LRR1: variants seen among roughly 807,000 people sequenced by gnomAD.
LRR1 encodes leucine-rich repeat protein 1.
Under a neutral mutation model 31.6 loss-of-function variants are expected in LRR1, and 29 were observed. The ratio of observed to expected loss-of-function variants is 0.92; its 90% confidence interval spans 0.68 to 1.25. The LOEUF (loss-of-function observed/expected upper bound fraction) is 1.25, where lower values mean the gene tolerates loss of function less well. Ranked by LOEUF, LRR1 falls within the 50% of genes most tolerant of loss-of-function variation. The pLI is 0.00. For synonymous variants in LRR1, 179 were observed against 181.4 expected (o/e 0.99, Z 0.10); for missense variants, 485 against 487.2 (o/e 1.00, Z 0.04).
intron 2 of LRR1, among the ~76,000 whole-genome samples, chr14:49,607,188 T>G (rs1366994103): frequency 1.3e-5 from 2 of 152,078 alleles, no homozygotes; most frequent in African/African-American, 2.4e-5. Context: ...AACAGTTTTA[T>G]TTAGAATGTG....
Position 49,614,590 on chromosome 14 carries a change from G to T in LRR1, c.*94G>T. The T allele has an allele frequency of 1.3e-6, 2 of 1,513,364 alleles. No individual in the cohort carries two copies. Among genetic ancestry groups the T allele is most frequent in the Non-Finnish European group, 1.8e-6 (2 of 1,096,716 alleles). The allele number at this position is 1,513,364 out of a possible 1,614,324, so 93.7% of individuals were successfully genotyped here. A position where few individuals can be genotyped will look rare whatever the true frequency, so the allele number is the denominator to read the frequency against. On this transcript the variant is annotated 3_prime_UTR_variant, in exon 4 of 4. Transcript: ENST00000298288. ...CAAATTGGAGTAAGGGAAGATTTCT[G>T]TATACTTGCTGGAGAGGAGGAATGT...
chr14:49,601,305 C>G (rs1297242149), intron 1 of LRR1, among the ~76,000 whole-genome samples: 3 of 152,190 alleles, frequency 2.0e-5, no homozygotes, highest in Non-Finnish European at 4.4e-5. Flanking sequence ...ATAACTATCT[C>G]TCATCAGATT....
At chr14:49,613,504 C>CA (rs759527540) in intron 3 of LRR1, among the ~76,000 whole-genome samples, 2,119 of 117,894 alleles carry the variant, frequency 0.018, 46 homozygotes, top group African/African-American at 0.059. Flanking sequence ...GACTCCATCT[C>CA]AAAAAAAAAA....
intron 2 of LRR1, 49 bp downstream of exon 2, chr14:49,602,517 A>AT (rs1471966332): frequency 2.0e-6 from 3 of 1,494,370 alleles, no homozygotes; most frequent in African/African-American, 1.4e-5. Context: ...TATTTTCTTT[A>AT]TTTTTTAGAA....
At position 49,607,562 on chromosome 14, in the gene LRR1, A is replaced by C. The variant is rs1233356930; in HGVS notation, c.445A>C (p.Ser149Arg). The C allele has an allele frequency of 6.2e-7, 1 of 1,614,192 alleles. No individual in the cohort carries two copies. The highest frequency in any genetic ancestry group is 2.2e-5 in the East Asian group (1 of 44,886). The change falls in exon 3 of 4, where the codon AGT becomes CGT. Residue 149 changes from serine (S) to arginine (R), a missense_variant. Physicochemically the swap from Ser to Arg is moderately radical, Grantham distance 110 (BLOSUM62 -1). This residue lies in a region of LRR1 where 260 missense variants were observed against 249.6 expected (regional missense o/e 1.04). Coordinates refer to ENST00000298288, the MANE Select transcript of LRR1 (RefSeq NM_152329.4). ...CACATCCAAAAAAGACTATCCTCTAAGTAAGAATTTTCCATATTCCTTGGA... is the reference window on the plus strand; with the variant it reads ...CACATCCAAAAAAGACTATCCTCTACGTAAGAATTTTCCATATTCCTTGGA... ...VITSKKDYPLSKNFPYSLEHL... is the reference protein window; with the variant it reads ...VITSKKDYPLRKNFPYSLEHL...
Position 49,602,359 on chromosome 14 carries a change from G to C in LRR1, c.184-11G>C. 6.2e-7 allele frequency: 1 copy of C among 1,601,314 alleles called. No homozygotes were observed. Among genetic ancestry groups the C allele is most frequent in the Middle Eastern group, 1.7e-4 (1 of 6,028 alleles). ...TAGTTTTCTTCTTTTTTTTCTATTG[G>C]TTTTATGCAGCTAAGGGAGAACATT... On this transcript the variant is annotated splice_polypyrimidine_tract_variant and intron_variant, in intron 1 of 3. Transcript: ENST00000298288.
intron 3 of LRR1, among the ~76,000 whole-genome samples, chr14:49,609,217 CTTTTTTTTTT>C (rs746422046): frequency 7.8e-5 from 6 of 76,932 alleles, no homozygotes; most frequent in Non-Finnish European, 1.6e-4. Flanking sequence ...ACACCTGGCC[CTTTTTTTTTT>C]TTTTTTTTTT....
At chr14:49,611,303 C>T (rs1296612958) in intron 3 of LRR1, among the ~76,000 whole-genome samples, 2 of 151,924 alleles carry the variant, frequency 1.3e-5, no homozygotes, top group African/African-American at 2.4e-5. Context: ...GGTGAAACCT[C>T]GTCTCTACTA....
chr14:49,599,029 A>G lies in LRR1; in HGVS notation c.9A>G (p.Leu3=), dbSNP rs1246492582. 4 of 1,609,114 alleles carry G rather than the reference A, an allele frequency of 2.5e-6. No individual in the cohort carries two copies. Among genetic ancestry groups the G allele is most frequent in the Non-Finnish European group, 2.5e-6 (3 of 1,177,872 alleles). The change falls in exon 1 of 4, where the codon CTA becomes CTG. Residue 3 remains leucine, a synonymous_variant. Transcript: ENST00000298288. ...TGTGGCCGTTGGGCGAGATGAAGCTACACTGTGAGGTGGAGGTGATCAGCC... is the reference window on the plus strand; with the variant it reads ...TGTGGCCGTTGGGCGAGATGAAGCTGCACTGTGAGGTGGAGGTGATCAGCC... MK[L]HCEVEVISRH...
At chr14:49,610,879 C>T (rs1172896296) in intron 3 of LRR1, among the ~76,000 whole-genome samples, 1 of 152,116 alleles carries the variant, frequency 6.6e-6, no homozygotes, top group African/African-American at 2.4e-5. Flanking sequence ...GCTTCTTGAA[C>T]GCATGTCTGG....
Position 49,608,406 on chromosome 14 carries a change from A to ATTTTTTTTTTTTT in LRR1, c.1004+314_1004+326dup, listed in dbSNP as rs71408651. ...ATTCCTTCCCTCCTTACATTGCTTG[A>ATTTTTTTTTTTTT]TTTTTTTTTTTTTTTTTTTTTTTTT... On this transcript the variant is annotated intron_variant, in intron 3 of 3. Transcript: ENST00000298288. Among the ~76,000 whole-genome samples, 20 of 21,098 alleles carry ATTTTTTTTTTTTT rather than the reference A, an allele frequency of 9.5e-4. 1 individual carries two copies. Among genetic ancestry groups the ATTTTTTTTTTTTT allele is most frequent in the Admixed American group, 1.7e-3 (3 of 1,740 alleles). The allele number at this position is 21,098 out of a possible 152,430, so 13.8% of individuals were successfully genotyped here.
At position 49,601,720 on chromosome 14, in the gene LRR1, A is replaced by T. The variant is rs1208520503; in HGVS notation, c.184-650A>T. On this transcript the variant is annotated intron_variant, in intron 1 of 3. Transcript: ENST00000298288. ...AATGGGAGAAAAGGAGCATTCTCTC[A>T]AAACATGGTGATCCTGTTCTCAAAG... The T allele has an allele frequency of 7.0e-6, 9 of 1,278,062 alleles. No individual in the cohort carries two copies. In the East Asian group the frequency reaches 5.0e-4, roughly 71 times the overall value. The allele number at this position is 1,278,062 out of a possible 1,614,324, so 79.2% of individuals were successfully genotyped here.
At chr14:49,612,477 T>C in intron 3 of LRR1, 1 of 1,253,276 alleles carries the variant, frequency 8.0e-7, no homozygotes. Flanking sequence ...TCTAGAACCA[T>C]CTATCCGAAA....
intron 1 of LRR1, chr14:49,600,400 G>GTGAT (rs1164890745): frequency 1.2e-6 from 2 of 1,602,376 alleles, no homozygotes; most frequent in African/African-American, 2.7e-5. Context: ...GCAAGACTGA[G>GTGAT]TGATATGAAA....
rs368125760 is a variant in LRR1, at chr14:49,606,121, GTTTCAAGCAACTC to G, written c.283-1277_283-1265del. 8.7e-3 allele frequency among the ~76,000 whole-genome samples: 1,311 copies of G among 150,286 alleles called. 13 individuals are homozygous for G. The highest frequency in any genetic ancestry group is 0.03 in the African/African-American group (1,238 of 40,808). On this transcript the variant is annotated intron_variant, in intron 2 of 3. Coordinates refer to ENST00000298288, the MANE Select transcript of LRR1 (RefSeq NM_152329.4). ...GGCTTACTGCAACCTCTGCCTCCCA[GTTTCAAGCAACTC>G]TCCTGCCTCAGCCTACCAAGCAGCT...
chr14:49,613,777 C>T (rs1882601794), intron 3 of LRR1, among the ~76,000 whole-genome samples: 2 of 152,184 alleles, frequency 1.3e-5, no homozygotes. Flanking sequence ...CGCACCACTG[C>T]ACTCTAGCCT....
intron 2 of LRR1, 119 bp from the exon 3 acceptor site, chr14:49,607,281 T>A: frequency 8.7e-7 from 1 of 1,147,652 alleles, no homozygotes; most frequent in Non-Finnish European, 1.2e-6. Context: ...TTACAGTCAA[T>A]TTCAGTAAAT....
intron 1 of LRR1, chr14:49,601,032 C>G: frequency 6.2e-7 from 1 of 1,610,876 alleles, no homozygotes; most frequent in Non-Finnish European, 8.5e-7. Context: ...ATGTAAGTTG[C>G]TTTCTATTCC....
chr14:49,606,238 G>A (rs1882276766), intron 2 of LRR1, among the ~76,000 whole-genome samples: 1 of 152,042 alleles, frequency 6.6e-6, no homozygotes, highest in South Asian at 2.1e-4. Context: ...TGTTGGCCAA[G>A]CTGGCCTTGA....
Sources: gnomAD v4.1 joint callset for allele counts (sites outside exome capture counted in the v4.1 genomes callset) on GRCh38, gnomAD v4.1.1 for gene constraint, gnomAD v4.1.1 regional missense constraint, MANE v1.5 for transcripts, NCBI Gene and HGNC (gene_info 2026-07-23, HGNC 2026-07-21) for gene names.